EYS: variants seen among roughly 807,000 people sequenced by gnomAD.
EYS encodes the protein protein eyes shut homolog.
A neutral mutation model predicts 282.1 loss-of-function variants in EYS; 250 were observed. That is an observed-to-expected ratio of 0.89 (90% CI 0.80 to 0.98). The LOEUF is 0.98. Among genes scored for constraint, EYS ranks in the 50% least tolerant of loss-of-function variants. The probability of loss-of-function intolerance (pLI) is 0.00; values close to 1 mark genes in which losing one functional copy is unlikely to be tolerated. For missense variants in EYS, 4,016 were observed against 3,709.0 expected (o/e 1.08, Z -2.15); for synonymous variants, 1,355 against 1,282.9 (o/e 1.06, Z -1.20).
chr6:63,802,045 T>G (rs1264053394), intron 37 of EYS, among the ~76,000 whole-genome samples: 1 of 152,256 alleles, frequency 6.6e-6, no homozygotes, highest in East Asian at 1.9e-4. Flanking sequence ...TAAATGTATA[T>G]GTACTACTAT....
chr6:65,187,172 A>T lies in EYS; in HGVS notation c.2023+108691T>A, dbSNP rs114377423. Among the ~76,000 whole-genome samples, 509 of 151,888 alleles carry T rather than the reference A, an allele frequency of 3.4e-3. 2 individuals carry two copies. The highest frequency in any genetic ancestry group is 0.012 in the African/African-American group (488 of 41,532). ...TTTATTCTAGGCACACACAACATTT[A>T]TTCAATATTCAATTTACAAATAGAA... On this transcript the variant is annotated intron_variant, in intron 12 of 42. Transcript: ENST00000503581.
chr6:64,161,863 C>T (rs1433922641), intron 31 of EYS, among the ~76,000 whole-genome samples: 4 of 152,082 alleles, frequency 2.6e-5, no homozygotes, highest in African/African-American at 9.7e-5. Context: ...ACTGTAATTT[C>T]TAGATCGATT....
intron 33 of EYS, among the ~76,000 whole-genome samples, chr6:64,056,804 G>A (rs1310902886): frequency 2.0e-5 from 3 of 152,168 alleles, no homozygotes; most frequent in Non-Finnish European, 1.5e-5. Context: ...ATGTAGATCA[G>A]CAGATGCCAC....
In EYS at chr6:65,057,770, A is replaced by G. The variant is rs774387107; in HGVS notation, c.2024-43T>C. The G allele has an allele frequency of 1.0e-5, 13 of 1,276,532 alleles. No homozygotes were observed. The African/African-American group carries it at 1.8e-4, about 17-fold the overall frequency. The allele number at this position is 1,276,532 out of a possible 1,614,324, so 79.1% of individuals were successfully genotyped here. A position where few individuals can be genotyped will look rare whatever the true frequency, so the allele number is the denominator to read the frequency against. Reference sequence around the variant, plus strand: ...AAAAAATGTTAAGTGTTAACAAGACAGGCATGTATCAAGTCGTAATTCTTA... The same window carrying G: ...AAAAAATGTTAAGTGTTAACAAGACGGGCATGTATCAAGTCGTAATTCTTA... On this transcript the variant is annotated intron_variant, in intron 12 of 42. Transcript: ENST00000503581.
chr6:63,736,519 G>C (rs527901052), intron 41 of EYS, among the ~76,000 whole-genome samples: 1 of 151,564 alleles, frequency 6.6e-6, no homozygotes, highest in Non-Finnish European at 1.5e-5. Context: ...GTCAGGTAGC[G>C]TGATGCCTCC....
chr6:63,838,744 G>A (rs1006113731), intron 36 of EYS, among the ~76,000 whole-genome samples: 2 of 152,030 alleles, frequency 1.3e-5, no homozygotes, highest in African/African-American at 4.8e-5. Context: ...TGGCTTCTGT[G>A]ACAACTTGCA....
intron 11 of EYS, among the ~76,000 whole-genome samples, chr6:65,312,586 T>C (rs577087594): frequency 6.6e-6 from 1 of 152,332 alleles, no homozygotes; most frequent in East Asian, 1.9e-4. Flanking sequence ...ATGCTAGCTC[T>C]AGATAATTGC....
At chr6:64,377,127 A>G (rs140994483) in intron 29 of EYS, among the ~76,000 whole-genome samples, 1 of 152,236 alleles carries the variant, frequency 6.6e-6, no homozygotes, top group African/African-American at 2.4e-5. Flanking sequence ...ATAGATAGAT[A>G]CATTTGTTGG....
At chr6:64,684,885 G>T (rs1469102040) in intron 22 of EYS, among the ~76,000 whole-genome samples, 1 of 151,882 alleles carries the variant, frequency 6.6e-6, no homozygotes, top group African/African-American at 2.4e-5. Flanking sequence ...ATCAATACCA[G>T]ATGGGATAAA....
At chr6:65,257,777 G>A (rs538540506) in intron 12 of EYS, among the ~76,000 whole-genome samples, 6 of 152,092 alleles carry the variant, frequency 3.9e-5, no homozygotes, top group African/African-American at 9.6e-5. Flanking sequence ...CTCACTTACT[G>A]TATGAGGTAA....
At chr6:65,362,514 C>A (rs1461131408) in intron 8 of EYS, among the ~76,000 whole-genome samples, 1 of 151,524 alleles carries the variant, frequency 6.6e-6, no homozygotes, top group Admixed American at 6.7e-5. Flanking sequence ...AATGTATATA[C>A]ACATGCATAT....
chr6:64,935,756 A>C lies in EYS; in HGVS notation c.2381+10037T>G, dbSNP rs75745928. ...AAGGTAAAACCACGGAAAGTAACCC[A>C]AAAAAAGTATAGCATATCAATAAAC... On this transcript the variant is annotated intron_variant, in intron 15 of 42. Coordinates refer to ENST00000503581, the MANE Select transcript of EYS (RefSeq NM_001142800.2). Among the ~76,000 whole-genome samples the C allele has an allele frequency of 3.2e-3, 485 of 151,806 alleles. 9 individuals carry two copies. In the East Asian group the frequency reaches 0.052, roughly 16 times the overall value.
At chr6:65,174,093 G>A (rs975349098) in intron 12 of EYS, among the ~76,000 whole-genome samples, 2 of 151,228 alleles carry the variant, frequency 1.3e-5, no homozygotes, top group South Asian at 4.2e-4. Flanking sequence ...TGCTATAACA[G>A]GGACACAGTT....
At chr6:65,235,474 T>G (rs1233102238) in intron 12 of EYS, among the ~76,000 whole-genome samples, 1 of 152,184 alleles carries the variant, frequency 6.6e-6, no homozygotes, top group Non-Finnish European at 1.5e-5. Flanking sequence ...GCAATTTTTA[T>G]TCTATAGTTA....
intron 35 of EYS, among the ~76,000 whole-genome samples, chr6:63,871,345 G>A (rs183848039): frequency 1.9e-3 from 292 of 152,180 alleles, no homozygotes; most frequent in African/African-American, 6.5e-3. Context: ...AGTAAACCCA[G>A]GGACAGAGTT....
intron 14 of EYS, among the ~76,000 whole-genome samples, chr6:64,983,403 A>G (rs949562541): frequency 1.1e-4 from 17 of 151,386 alleles, no homozygotes; most frequent in African/African-American, 4.1e-4. Flanking sequence ...CATATGAGCT[A>G]TTTGTGTCAG....
chr6:64,777,101 C>T (rs998123299), intron 22 of EYS, among the ~76,000 whole-genome samples: 3 of 152,128 alleles, frequency 2.0e-5, no homozygotes, highest in African/African-American at 4.8e-5. Context: ...AACTAACTCA[C>T]TATCATGAGA....
chr6:65,347,674 G>C (rs1252430912), intron 9 of EYS, among the ~76,000 whole-genome samples: 4 of 151,034 alleles, frequency 2.6e-5, no homozygotes, highest in Non-Finnish European at 3.0e-5. Context: ...AATCACCTCA[G>C]GGAAAATAGT....
intron 14 of EYS, among the ~76,000 whole-genome samples, chr6:64,978,506 G>C (rs143938218): frequency 6.6e-6 from 1 of 151,898 alleles, no homozygotes; most frequent in African/African-American, 2.4e-5. Flanking sequence ...TTTCATGCCT[G>C]CTAATACAAC....
Sources: allele counts gnomAD v4.1 joint callset (sites outside exome capture counted in the v4.1 genomes callset), GRCh38; gene constraint gnomAD v4.1.1; transcripts MANE v1.5; gene names NCBI Gene and HGNC (gene_info 2026-07-23, HGNC 2026-07-21).